Variants in INTU observed in about 807,000 individuals in gnomAD.
The protein encoded by INTU is inturned planar cell polarity protein.
INTU carries 68 observed loss-of-function variants against 100.5 expected under a neutral mutation model. That is an observed-to-expected ratio of 0.68 (90% CI 0.56 to 0.83). The LOEUF is 0.83. Ranked by LOEUF, INTU falls within the 40% of genes least tolerant of loss-of-function variation. The pLI, the probability that INTU is intolerant of heterozygous loss-of-function variation, is 0.00. For synonymous variants in INTU, 357 were observed against 395.7 expected (o/e 0.90, Z 1.16); for missense variants, 1,071 against 1,114.7 (o/e 0.96, Z 0.56).
chr4:127,638,796 A>C (rs530260937), intron 1 of INTU, among the ~76,000 whole-genome samples: 2 of 152,294 alleles, frequency 1.3e-5, no homozygotes, highest in East Asian at 3.9e-4. Flanking sequence ...TTCTGCTTAA[A>C]GCAAAGCAGA....
At chr4:127,679,610 A>T (rs1729418449) in intron 6 of INTU, among the ~76,000 whole-genome samples, 1 of 152,206 alleles carries the variant, frequency 6.6e-6, no homozygotes, top group Admixed American at 6.5e-5. Flanking sequence ...AGCAGTGCAT[A>T]GAGGGAAATT....
chr4:127,677,490 G>C lies in INTU; in HGVS notation c.1181+3277G>C, dbSNP rs928371868. Among the ~76,000 whole-genome samples the C allele has an allele frequency of 8.6e-5, 13 of 150,808 alleles. 2 individuals are homozygous for C. The highest frequency in any genetic ancestry group is 3.2e-4 in the African/African-American group (13 of 40,096). ...ACCGCTGCTGGTACCCAGGCAAACA[G>C]GGTCTGGAGTGGACCTCTAGCAAAC... On this transcript the variant is annotated intron_variant, in intron 6 of 15. Coordinates refer to ENST00000335251, the MANE Select transcript of INTU (RefSeq NM_015693.4).
intron 6 of INTU, among the ~76,000 whole-genome samples, chr4:127,681,801 T>A (rs1455171264): frequency 6.6e-6 from 1 of 152,056 alleles, no homozygotes; most frequent in East Asian, 1.9e-4. Context: ...GAAACTACCA[T>A]CAGAGTGAAC....
Position 127,720,045 on chromosome 4 carries a change from T to C in INTU, c.*3609T>C, listed in dbSNP as rs1393061078. The C allele has an allele frequency of 6.6e-6, 1 of 152,176 alleles. No homozygotes were observed. Among genetic ancestry groups the C allele is most frequent in the Non-Finnish European group, 1.5e-5 (1 of 68,022 alleles). 9.4% of individuals were successfully genotyped at this position (152,176 alleles called of 1,614,324 possible). A position where few individuals can be genotyped will look rare whatever the true frequency, so the allele number is the denominator to read the frequency against. On this transcript the variant is annotated 3_prime_UTR_variant, in exon 16 of 16. Transcript: ENST00000335251. The stretch of plus-strand genomic sequence containing the variant: ...GGCTTTTGGGTTTGTTTGCTCTTGG[T>C]TCACTAGTTCTTTTAGTTGTGATAC...
At chr4:127,680,022 T>C (rs1729446708) in intron 6 of INTU, among the ~76,000 whole-genome samples, 1 of 152,186 alleles carries the variant, frequency 6.6e-6, no homozygotes, top group Non-Finnish European at 1.5e-5. Context: ...GATAAATTCC[T>C]TGACACATAC....
At chr4:127,677,658 G>A (rs1729287922) in intron 6 of INTU, among the ~76,000 whole-genome samples, 1 of 152,088 alleles carries the variant, frequency 6.6e-6, no homozygotes, top group South Asian at 2.1e-4. Context: ...GGAAAAAACA[G>A]AGCAGAAAAA....
intron 6 of INTU, among the ~76,000 whole-genome samples, chr4:127,682,491 A>T (rs865849565): frequency 6.6e-6 from 1 of 151,448 alleles, no homozygotes. Flanking sequence ...ATTCTATCGC[A>T]AGAATAAAAA....
At chr4:127,653,958 T>C (rs1268044542) in intron 2 of INTU, among the ~76,000 whole-genome samples, 15 of 151,658 alleles carry the variant, frequency 9.9e-5, no homozygotes, top group Admixed American at 9.8e-4. Flanking sequence ...GTTGAATTGA[T>C]CCCTTTACCA....
chr4:127,712,407 C>T (rs1470273328), intron 14 of INTU, among the ~76,000 whole-genome samples: 1 of 152,082 alleles, frequency 6.6e-6, no homozygotes, highest in African/African-American at 2.4e-5. Context: ...AGGAATATTT[C>T]ATTTACTTAT....
chr4:127,673,657 C>A (rs1578578152), intron 5 of INTU, among the ~76,000 whole-genome samples: 1 of 151,100 alleles, frequency 6.6e-6, no homozygotes, highest in South Asian at 2.1e-4. Flanking sequence ...AGTGCAGTGG[C>A]ACAATCTTGG....
At chr4:127,715,996 T>C (rs752719751) in intron 15 of INTU, among the ~76,000 whole-genome samples, 30 of 152,190 alleles carry the variant, frequency 2.0e-4, no homozygotes, top group Non-Finnish European at 3.1e-4. Flanking sequence ...AGCAATAAAA[T>C]ACTTAATAAC....
chr4:127,648,756 A>C (rs979543919), intron 2 of INTU, among the ~76,000 whole-genome samples: 1 of 152,030 alleles, frequency 6.6e-6, no homozygotes, highest in African/African-American at 2.4e-5. Context: ...CTACAGCTAT[A>C]AGTAATTTGA....
At position 127,706,774 on chromosome 4, in the gene INTU, CAGA is replaced by C. The variant is rs1730898056; in HGVS notation, c.2081_2083del (p.Arg694del). The C allele has an allele frequency of 1.9e-6, 3 of 1,613,932 alleles. No homozygotes were observed. The highest frequency in any genetic ancestry group is 1.3e-5 in the African/African-American group (1 of 74,926). Reference sequence around the variant, plus strand: ...CCAAAGTAGCAACTTCTCCAACATGCAGAAGAACGCTTTTTGGTGACTATTCCT... The same window carrying C: ...CCAAAGTAGCAACTTCTCCAACATGCAGAACGCTTTTTGGTGACTATTCCT... On this transcript the variant is annotated inframe_deletion, in exon 12 of 16. Transcript: ENST00000335251.
At chr4:127,686,655 A>G (rs993420804) in intron 7 of INTU, 2 of 152,148 alleles carry the variant, frequency 1.3e-5, no homozygotes, top group Non-Finnish European at 2.9e-5. Context: ...TAAAATAGCC[A>G]ATCTGTCACA....
At position 127,725,123 on chromosome 4, in the gene INTU, TA is replaced by T. The variant is rs1229565039; in HGVS notation, c.*8692del. 2 of 107,346 alleles carry T rather than the reference TA, an allele frequency of 1.9e-5. No homozygotes were observed. Among genetic ancestry groups the T allele is most frequent in the Non-Finnish European group, 3.7e-5 (2 of 53,508 alleles). 6.6% of individuals were successfully genotyped at this position (107,346 alleles called of 1,614,324 possible). On this transcript the variant is annotated 3_prime_UTR_variant, in exon 16 of 16. Coordinates refer to ENST00000335251, the MANE Select transcript of INTU (RefSeq NM_015693.4). The stretch of plus-strand genomic sequence containing the variant: ...CAACATGGTGAAACCCTGTCTCTAC[TA>T]AAAATACTAAAAAAAAAAAAAAAAA...
rs184601561 is a variant in INTU at position 127,674,154 on chromosome 4, T to C, written c.1122T>C (p.Ile374=). 1.9e-6 allele frequency: 3 copies of C among 1,612,152 alleles called. No homozygotes were observed. The African/African-American group carries it at 4.0e-5, about 22-fold the overall frequency. ...SSSLLLNGKQ[I]HVAYWKESDK... ...CCCTCCTTTTAAATGGAAAACAAAT[T>C]CATGTGGCTTATTGGAAAGAATCTG... Residue 374 remains isoleucine (I), a synonymous_variant, in exon 6 of 16, where the codon ATT becomes ATC. Coordinates refer to ENST00000335251, the MANE Select transcript of INTU (RefSeq NM_015693.4).
chr4:127,671,568 A>AT (rs1156420153), intron 5 of INTU, among the ~76,000 whole-genome samples: 9 of 152,012 alleles, frequency 5.9e-5, no homozygotes, highest in African/African-American at 1.9e-4. Flanking sequence ...TTCTCAAAAA[A>AT]CTAAAAATAG....
intron 2 of INTU, among the ~76,000 whole-genome samples, chr4:127,653,440 T>A (rs1165464407): frequency 5.5e-4 from 82 of 148,284 alleles, no homozygotes; most frequent in South Asian, 1.1e-3. Context: ...CTCGTTGGTT[T>A]CAAAGAACAT....
chr4:127,688,347 T>G (rs1729930279), intron 8 of INTU, among the ~76,000 whole-genome samples: 1 of 152,204 alleles, frequency 6.6e-6, no homozygotes, highest in Non-Finnish European at 1.5e-5. Context: ...ATACCAATAG[T>G]AAAACTGTAT....
Sources: allele counts gnomAD v4.1 joint callset (sites outside exome capture counted in the v4.1 genomes callset), GRCh38; gene constraint gnomAD v4.1.1; transcripts MANE v1.5; gene names NCBI Gene and HGNC (gene_info 2026-07-23, HGNC 2026-07-21).